The following DLG2 variants were observed in gnomAD, a reference collection of about 807,000 sequenced individuals.
The protein encoded by DLG2 is disks large homolog 2.
In DLG2, 45 loss-of-function variants were observed where a neutral mutation model predicts 132.5. The ratio of observed to expected loss-of-function variants is 0.34; its 90% CI spans 0.27 to 0.44. The LOEUF is 0.44. Ranked by LOEUF, DLG2 falls within the 20% of genes least tolerant of loss-of-function variation. The pLI, the probability that DLG2 is intolerant of heterozygous loss-of-function variation, is 1.00. For synonymous variants in DLG2, 424 were observed against 419.6 expected (o/e 1.01, Z -0.13); for missense variants, 1,045 against 1,196.9 (o/e 0.87, Z 1.87).
In DLG2 at chr11:85,031,232, T is replaced by C. The variant is rs181475677; in HGVS notation, c.357+80429A>G. On this transcript the variant is annotated intron_variant, in intron 6 of 27. Coordinates refer to ENST00000376104, the MANE Select transcript of DLG2 (RefSeq NM_001142699.3). ...TGAAATCAAATTAACCAGATAGTAA[T>C]AGTCCATTCTCTTCTTTCAATTAGT... is the stretch of plus-strand genomic sequence containing the variant. Among the ~76,000 whole-genome samples, 7 of 152,214 alleles carry C rather than the reference T, an allele frequency of 4.6e-5. No individual in the cohort carries two copies. The East Asian group carries it at 1.3e-3, about 29-fold the overall frequency.
At chr11:84,253,792 T>G (rs944657829) in intron 7 of DLG2, among the ~76,000 whole-genome samples, 12 of 152,128 alleles carry the variant, frequency 7.9e-5, no homozygotes, top group Non-Finnish European at 1.3e-4. Flanking sequence ...GAAAATGAGA[T>G]TTGACATTTG....
intron 3 of DLG2, among the ~76,000 whole-genome samples, chr11:85,467,314 CT>C (rs1466276699): frequency 2.0e-5 from 3 of 152,128 alleles, no homozygotes; most frequent in Non-Finnish European, 4.4e-5. Flanking sequence ...CTTCTCCTGC[CT>C]GATTGCCCTG....
intron 18 of DLG2, among the ~76,000 whole-genome samples, chr11:83,745,276 GA>G (rs995975395): frequency 6.6e-6 from 1 of 152,078 alleles, no homozygotes; most frequent in East Asian, 1.9e-4. Context: ...GCCAAAGTTT[GA>G]AAAAAATTAG....
intron 8 of DLG2, among the ~76,000 whole-genome samples, chr11:84,235,288 T>A (rs1387970383): frequency 6.6e-6 from 1 of 152,250 alleles, no homozygotes; most frequent in East Asian, 1.9e-4. Context: ...CCTGACCATC[T>A]TGGGCACATG....
At chr11:84,035,138 G>A (rs1370470250) in intron 11 of DLG2, among the ~76,000 whole-genome samples, 3 of 151,986 alleles carry the variant, frequency 2.0e-5, no homozygotes, top group South Asian at 2.1e-4. Flanking sequence ...TTTTCTGTCC[G>A]CTAAGCCAAG....
At chr11:84,941,255 TTC>T (rs1056410775) in intron 6 of DLG2, among the ~76,000 whole-genome samples, 26 of 152,342 alleles carry the variant, frequency 1.7e-4, no homozygotes, top group African/African-American at 6.0e-4. Flanking sequence ...TTTTAGCTAT[TTC>T]TGTGAGAATG....
intron 17 of DLG2, among the ~76,000 whole-genome samples, chr11:83,828,430 A>T (rs1006056527): frequency 3.3e-5 from 5 of 152,194 alleles, no homozygotes. Flanking sequence ...ATTTCCCACT[A>T]CTGGTGTCCT....
chr11:84,737,331 T>C (rs2063969885), intron 6 of DLG2, among the ~76,000 whole-genome samples: 2 of 152,020 alleles, frequency 1.3e-5, no homozygotes, highest in African/African-American at 4.8e-5. Flanking sequence ...TATATTTGCC[T>C]GTTTTTATAC....
intron 6 of DLG2, among the ~76,000 whole-genome samples, chr11:84,935,478 T>C (rs752215257): frequency 2.2e-4 from 34 of 152,166 alleles, no homozygotes; most frequent in Admixed American, 1.2e-3. Context: ...TCCAGCCACA[T>C]TGAACTTGTT....
intron 21 of DLG2, among the ~76,000 whole-genome samples, chr11:83,523,393 G>A (rs1258993977): frequency 6.6e-6 from 1 of 152,088 alleles, no homozygotes; most frequent in Non-Finnish European, 1.5e-5. Flanking sequence ...ATCAGTACTT[G>A]AATGGATAGA....
In DLG2 at chr11:84,806,132, T is replaced by A. The variant is rs76747618; in HGVS notation, c.358-271401A>T. On this transcript the variant is annotated intron_variant, in intron 6 of 27. Transcript: ENST00000376104. Reference sequence around the variant, plus strand: ...GAACTGGAAGATAAAGCAATATGAATTAAAACAATATATTGACCTAAAAAA... The same window carrying A: ...GAACTGGAAGATAAAGCAATATGAAATAAAACAATATATTGACCTAAAAAA... Among the ~76,000 whole-genome samples, 80 of 151,926 alleles carry A rather than the reference T, an allele frequency of 5.3e-4. No homozygotes were observed. In the East Asian group the frequency reaches 0.014, roughly 27 times the overall value.
At chr11:85,075,699 C>T (rs547419438) in intron 6 of DLG2, among the ~76,000 whole-genome samples, 1 of 151,676 alleles carries the variant, frequency 6.6e-6, no homozygotes, top group South Asian at 2.1e-4. Flanking sequence ...CATATACTCC[C>T]AAAAATATAT....
intron 19 of DLG2, among the ~76,000 whole-genome samples, chr11:83,544,083 A>G (rs929674804): frequency 6.6e-6 from 1 of 152,202 alleles, no homozygotes; most frequent in African/African-American, 2.4e-5. Context: ...ATTCCCTGGT[A>G]GATAACATTT....
chr11:84,313,641 A>AAGAAAGAAAGAAAG (rs377286299), intron 7 of DLG2, among the ~76,000 whole-genome samples: 2 of 129,290 alleles, frequency 1.5e-5, no homozygotes, highest in Admixed American at 8.2e-5. Flanking sequence ...GAAAGAGAGA[A>AAGAAAGAAAGAAAG]AAAGAAAGAA....
At chr11:85,595,513 A>G (rs956375104) in intron 3 of DLG2, among the ~76,000 whole-genome samples, 2 of 152,186 alleles carry the variant, frequency 1.3e-5, no homozygotes, top group African/African-American at 4.8e-5. Flanking sequence ...TGCAGCATCT[A>G]GCATATTGCT....
chr11:83,926,590 G>T (rs763865992), intron 15 of DLG2, among the ~76,000 whole-genome samples: 1 of 151,992 alleles, frequency 6.6e-6, no homozygotes, highest in Non-Finnish European at 1.5e-5. Flanking sequence ...TAAATTAATA[G>T]ATATATTTTT....
At chr11:83,981,944 G>A (rs2092816775) in intron 11 of DLG2, among the ~76,000 whole-genome samples, 1 of 152,152 alleles carries the variant, frequency 6.6e-6, no homozygotes, top group African/African-American at 2.4e-5. Context: ...CAGTGATAGA[G>A]TACACATACG....
chr11:83,722,257 C>A (rs963774668), intron 18 of DLG2, among the ~76,000 whole-genome samples: 4 of 152,090 alleles, frequency 2.6e-5, no homozygotes, highest in African/African-American at 9.7e-5. Flanking sequence ...CTTATGGTCT[C>A]CCACTGCCAT....
intron 6 of DLG2, among the ~76,000 whole-genome samples, chr11:84,935,211 G>C (rs1045951668): frequency 6.6e-6 from 1 of 152,126 alleles, no homozygotes; most frequent in African/African-American, 2.4e-5. Context: ...CCATATTCTT[G>C]AGTGGTTATT....
Sources: allele counts gnomAD v4.1 joint callset (sites outside exome capture counted in the v4.1 genomes callset), GRCh38; gene constraint gnomAD v4.1.1; transcripts MANE v1.5; gene names NCBI Gene and HGNC (gene_info 2026-07-23, HGNC 2026-07-21).